COL25A1: variants seen among roughly 807,000 people sequenced by gnomAD.
COL25A1 encodes collagen alpha-1(XXV) chain.
Under a neutral mutation model 128.4 loss-of-function variants are expected in COL25A1, and 103 were observed. The ratio of observed to expected loss-of-function variants is 0.80; its 90% CI spans 0.68 to 0.94. The LOEUF (loss-of-function observed/expected upper bound fraction) is 0.94. Ranked by LOEUF, COL25A1 falls within the 40% of genes least tolerant of loss-of-function variation. The pLI is 0.00. For missense variants in COL25A1, 745 were observed against 840.0 expected, an observed-to-expected ratio of 0.89 and a Z score of 1.40; for synonymous variants, 279 against 277.2, an observed-to-expected ratio of 1.01 and a Z score of -0.06.
At chr4:108,834,673 C>T (rs1218160988) in intron 31 of COL25A1, among the ~76,000 whole-genome samples, 2 of 152,096 alleles carry the variant, frequency 1.3e-5, no homozygotes, top group Non-Finnish European at 2.9e-5. Context: ...AAAGTAGTTA[C>T]TCATAACAGT....
intron 18 of COL25A1, 81 bp from the exon 19 acceptor site, chr4:108,884,303 T>C: frequency 5.4e-6 from 7 of 1,290,368 alleles, no homozygotes; most frequent in South Asian, 1.2e-5. Context: ...CAAATGTTCC[T>C]GGCTCAATAC....
intron 3 of COL25A1, among the ~76,000 whole-genome samples, chr4:109,201,326 C>A (rs1336133984): frequency 6.6e-6 from 1 of 152,016 alleles, no homozygotes; most frequent in South Asian, 2.1e-4. Flanking sequence ...GTATAAAAGA[C>A]CAATTTGACA....
At chr4:109,097,851 A>T (rs1210611160) in intron 3 of COL25A1, among the ~76,000 whole-genome samples, 2 of 151,616 alleles carry the variant, frequency 1.3e-5, no homozygotes. Context: ...TTTAACAGAG[A>T]TGGGGTTTCA....
intron 3 of COL25A1, among the ~76,000 whole-genome samples, chr4:109,152,847 G>A (rs905415984): frequency 6.6e-6 from 1 of 152,106 alleles, no homozygotes; most frequent in East Asian, 1.9e-4. Flanking sequence ...GTAGAATGGT[G>A]GTTGCCAGGG....
At chr4:109,120,257 T>C (rs1384305600) in intron 3 of COL25A1, among the ~76,000 whole-genome samples, 2 of 152,038 alleles carry the variant, frequency 1.3e-5, no homozygotes, top group African/African-American at 4.8e-5. Flanking sequence ...TTTTCAACAT[T>C]GTATTGGAAG....
At chr4:109,206,373 G>A (rs1027652229) in intron 3 of COL25A1, among the ~76,000 whole-genome samples, 12 of 152,082 alleles carry the variant, frequency 7.9e-5, no homozygotes, top group African/African-American at 2.7e-4. Context: ...AAACTATTGC[G>A]TGCTGATGTT....
intron 5 of COL25A1, among the ~76,000 whole-genome samples, chr4:109,011,684 A>G (rs1047859730): frequency 9.2e-5 from 14 of 152,348 alleles, no homozygotes; most frequent in African/African-American, 2.6e-4. Context: ...CAGAATTTAA[A>G]CCCAAATCTG....
In COL25A1 at chr4:109,188,118, C is replaced by A. The variant is rs1775294914; in HGVS notation, c.367+112465G>T. Among the ~76,000 whole-genome samples, 9 of 152,212 alleles carry A rather than the reference C, an allele frequency of 5.9e-5. No homozygotes were observed. The South Asian group carries it at 1.9e-3, about 31-fold the overall frequency. ...TAAGAGATCATAATTGCAATGTCAA[C>A]TCTAAAGTGGGACTATAGAGCCGAT... On this transcript the variant is annotated intron_variant, in intron 3 of 37. Transcript: ENST00000399132.
chr4:109,245,211 C>G (rs556050483), intron 3 of COL25A1, among the ~76,000 whole-genome samples: 1 of 152,178 alleles, frequency 6.6e-6, no homozygotes, highest in South Asian at 2.1e-4. Flanking sequence ...CTAGGCAAAC[C>G]TAGAAAATAT....
At chr4:109,214,962 A>G (rs1777871980) in intron 3 of COL25A1, among the ~76,000 whole-genome samples, 1 of 152,168 alleles carries the variant, frequency 6.6e-6, no homozygotes, top group African/African-American at 2.4e-5. Context: ...CATAGAAGAA[A>G]GCCTAAACGT....
At chr4:108,902,633 A>G (rs1463724545) in intron 13 of COL25A1, among the ~76,000 whole-genome samples, 1 of 152,024 alleles carries the variant, frequency 6.6e-6, no homozygotes, top group East Asian at 1.9e-4. Flanking sequence ...TGAAGCTTGT[A>G]GTGTCTAGAA....
At chr4:108,865,008 T>G (rs561058678) in intron 20 of COL25A1, among the ~76,000 whole-genome samples, 1 of 152,340 alleles carries the variant, frequency 6.6e-6, no homozygotes, top group South Asian at 2.1e-4. Flanking sequence ...GATCATTTTC[T>G]CAGGATAAAT....
chr4:108,932,484 G>A (rs1746869563), intron 11 of COL25A1, among the ~76,000 whole-genome samples: 1 of 151,986 alleles, frequency 6.6e-6, no homozygotes, highest in Non-Finnish European at 1.5e-5. Flanking sequence ...ATACCACTAC[G>A]GCCCAATGAG....
rs757985605 is a variant in COL25A1 at position 108,941,454 on chromosome 4, G to C, written c.493-17C>G. On this transcript the variant is annotated splice_polypyrimidine_tract_variant and intron_variant, in intron 8 of 37. Transcript: ENST00000399132. ...AAACACCATCTGATCAGTCAGTTGAGGTCAAAGGTTGAAGTTCAGAGATGA... is the reference window on the plus strand; with the variant it reads ...AAACACCATCTGATCAGTCAGTTGACGTCAAAGGTTGAAGTTCAGAGATGA... 1.9e-6 allele frequency: 3 copies of C among 1,606,636 alleles called. No homozygotes were observed. In the Admixed American group the frequency reaches 5.0e-5, roughly 27 times the overall value.
In COL25A1 at chr4:108,909,119, T is replaced by C. The variant is rs372583823; in HGVS notation, c.781-7947A>G. Among the ~76,000 whole-genome samples, 332 of 152,304 alleles carry C rather than the reference T, an allele frequency of 2.2e-3. 1 individual carries two copies. The highest frequency in any genetic ancestry group is 7.6e-3 in the African/African-American group (315 of 41,560). On this transcript the variant is annotated intron_variant, in intron 13 of 37. Transcript: ENST00000399132. ...TTTCATTCATTTTACAAGAACAGTT[T>C]AGCTTTTGGGAAGGGTTATTATTTA...
At chr4:108,906,214 C>A (rs1383724759) in intron 13 of COL25A1, among the ~76,000 whole-genome samples, 4 of 152,140 alleles carry the variant, frequency 2.6e-5, no homozygotes, top group Admixed American at 2.6e-4. Context: ...CTTCTGCTGC[C>A]CCCTCACATA....
chr4:108,873,563 A>AGTG lies in COL25A1; in HGVS notation c.1021-4414_1021-4413insCAC, dbSNP rs1739050265. On this transcript the variant is annotated intron_variant, in intron 19 of 37. Coordinates refer to ENST00000399132, the MANE Select transcript of COL25A1 (RefSeq NM_198721.4). ...TAGTAGTAGTAGTAGTAGTAGTAGC[A>AGTG]GCAGTAGCAGCAGTAGCAGTAGTAG... Among the ~76,000 whole-genome samples the AGTG allele has an allele frequency of 1.1e-4, 4 of 37,944 alleles. No homozygotes were observed. The Admixed American group carries it at 1.3e-3, about 12-fold the overall frequency. 24.9% of individuals were successfully genotyped at this position (37,944 alleles called of 152,430 possible). A position where few individuals can be genotyped will look rare whatever the true frequency, so the allele number is the denominator to read the frequency against.
intron 3 of COL25A1, among the ~76,000 whole-genome samples, chr4:109,070,718 A>G (rs988354651): frequency 2.4e-5 from 3 of 123,284 alleles, no homozygotes; most frequent in Non-Finnish European, 4.7e-5. Flanking sequence ...CCGGTGTGTG[A>G]TGTTCCCCTT....
rs530550565 is a variant in COL25A1, at chr4:108,975,012, T to C, written c.439-453A>G. On this transcript the variant is annotated intron_variant, in intron 6 of 37. Coordinates refer to ENST00000399132, the MANE Select transcript of COL25A1 (RefSeq NM_198721.4). Reference sequence around the variant, plus strand: ...AGTCCGGCCTCTTTTGCTTAATTAGTATGAAATTCATCCATAATTTTGTGT... The same window carrying C: ...AGTCCGGCCTCTTTTGCTTAATTAGCATGAAATTCATCCATAATTTTGTGT... Among the ~76,000 whole-genome samples, 63 of 152,352 alleles carry C rather than the reference T, an allele frequency of 4.1e-4. 1 individual carries two copies. In the South Asian group the frequency reaches 0.013, roughly 31 times the overall value.
Sources: allele counts gnomAD v4.1 joint callset (sites outside exome capture counted in the v4.1 genomes callset), GRCh38; gene constraint gnomAD v4.1.1; transcripts MANE v1.5; gene names NCBI Gene and HGNC (gene_info 2026-07-23, HGNC 2026-07-21).